The following ACBD6 variants were observed in gnomAD, a reference collection of about 807,000 sequenced individuals.
ACBD6 encodes acyl-CoA-binding domain-containing protein 6.
In ACBD6, 28 loss-of-function variants were observed where a neutral mutation model predicts 37.2. That is an observed-to-expected ratio of 0.75 (90% CI 0.56 to 1.03). ACBD6 has a LOEUF of 1.03. Among genes scored for constraint, ACBD6 ranks in the 50% least tolerant of loss-of-function variants. The probability of loss-of-function intolerance (pLI) is 0.00; values close to 1 mark genes in which losing one functional copy is unlikely to be tolerated. For synonymous variants in ACBD6, 113 were observed against 126.8 expected (o/e 0.89, Z 0.73); for missense variants, 340 against 337.4 (o/e 1.01, Z -0.06).
At chr1:180,449,896 G>A (rs555319604) in intron 3 of ACBD6, among the ~76,000 whole-genome samples, 14 of 140,824 alleles carry the variant, frequency 9.9e-5, no homozygotes, top group African/African-American at 3.5e-4. Flanking sequence ...ATGTACCCTA[G>A]AACTTAAATT....
intron 6 of ACBD6, among the ~76,000 whole-genome samples, chr1:180,355,093 T>C (rs569930234): frequency 6.6e-6 from 1 of 152,226 alleles, no homozygotes; most frequent in Non-Finnish European, 1.5e-5. Context: ...TAGTGGCTAA[T>C]GCTGTTTACC....
At chr1:180,313,059 G>A (rs1650655935) in intron 7 of ACBD6, among the ~76,000 whole-genome samples, 2 of 152,166 alleles carry the variant, frequency 1.3e-5, no homozygotes, top group East Asian at 3.8e-4. Flanking sequence ...TGCTGATGTG[G>A]AAGGTTACAT....
rs113461627 is a variant in ACBD6 at position 180,484,526 on chromosome 1, G to A, written c.384+7743C>T. The stretch of plus-strand genomic sequence containing the variant: ...GGAGAAAGGAGTTACAAATATGAAA[G>A]AGGGAAGGCTATCATGTACCCTGTA... On this transcript the variant is annotated intron_variant, in intron 3 of 7. Coordinates refer to ENST00000367595, the MANE Select transcript of ACBD6 (RefSeq NM_032360.4). Among the ~76,000 whole-genome samples, 757 of 152,266 alleles carry A rather than the reference G, an allele frequency of 5.0e-3. 6 individuals are homozygous for A. The highest frequency in any genetic ancestry group is 0.017 in the African/African-American group (704 of 41,540).
intron 10 of ACBD6, chr1:180,274,203 A>G: frequency 6.2e-7 from 1 of 1,614,222 alleles, no homozygotes; most frequent in East Asian, 2.2e-5. Flanking sequence ...ATTCTCTCAG[A>G]ACTTGGCCAC....
At chr1:180,475,415 C>T (rs989522845) in intron 3 of ACBD6, among the ~76,000 whole-genome samples, 10 of 152,106 alleles carry the variant, frequency 6.6e-5, no homozygotes, top group African/African-American at 2.2e-4. Flanking sequence ...GACATGGGGT[C>T]CCACTCTGTG....
intron 3 of ACBD6, among the ~76,000 whole-genome samples, chr1:180,471,720 TC>T (rs1164042029): frequency 1.3e-5 from 2 of 152,084 alleles, no homozygotes; most frequent in East Asian, 3.9e-4. Flanking sequence ...CCTGGGTCCC[TC>T]CCACAACACA....
chr1:180,489,363 G>A (rs539493134), intron 3 of ACBD6, among the ~76,000 whole-genome samples: 1 of 151,030 alleles, frequency 6.6e-6, no homozygotes, highest in South Asian at 2.1e-4. Flanking sequence ...ATGAGTCAAA[G>A]GGGACCAGCT....
In ACBD6 at chr1:180,274,523, G is replaced by A. The variant is rs531170670; in HGVS notation, c.*936+128C>T. The stretch of plus-strand genomic sequence containing the variant: ...CACAGGAAGCAGTGTAGGCTATCCC[G>A]ACTTTCCAACTAGCCCAGGCTCTTG... On this transcript the variant is annotated intron_variant, in intron 10 of 13. Transcript: ENST00000642319. 40 of 1,606,754 alleles carry A rather than the reference G, an allele frequency of 2.5e-5. No individual in the cohort carries two copies. Among genetic ancestry groups the A allele is most frequent in the East Asian group, 2.2e-4 (10 of 44,736 alleles).
At chr1:180,339,482 G>A (rs1651888200) in intron 6 of ACBD6, among the ~76,000 whole-genome samples, 1 of 152,150 alleles carries the variant, frequency 6.6e-6, no homozygotes, top group Non-Finnish European at 1.5e-5. Flanking sequence ...ATTGAACAAT[G>A]AGAATATTTG....
At chr1:180,281,241 A>C (rs1201029058) in intron 9 of ACBD6, 3 of 152,180 alleles carry the variant, frequency 2.0e-5, no homozygotes, top group Non-Finnish European at 2.9e-5. Context: ...GGTTTTCCAA[A>C]AAGACAGCTG....
chr1:180,438,986 C>G (rs539002647), intron 3 of ACBD6, among the ~76,000 whole-genome samples: 1 of 152,112 alleles, frequency 6.6e-6, no homozygotes, highest in Non-Finnish European at 1.5e-5. Flanking sequence ...CTTTGTTTTA[C>G]TCTTTCCAGA....
At chr1:180,272,290 C>T (rs1648723065) in intron 13 of ACBD6, among the ~76,000 whole-genome samples, 1 of 152,178 alleles carries the variant, frequency 6.6e-6, no homozygotes. Flanking sequence ...GGGCCTCCCT[C>T]ATCAGCCCAC....
At chr1:180,436,100 T>C (rs1445366573) in intron 3 of ACBD6, among the ~76,000 whole-genome samples, 1 of 152,186 alleles carries the variant, frequency 6.6e-6, no homozygotes, top group Non-Finnish European at 1.5e-5. Flanking sequence ...ATGTTACCCT[T>C]TCAGAGGTAC....
intron 3 of ACBD6, among the ~76,000 whole-genome samples, chr1:180,450,321 A>C (rs1649652749): frequency 6.6e-6 from 1 of 152,228 alleles, no homozygotes; most frequent in South Asian, 2.1e-4. Flanking sequence ...ATACTCTAAA[A>C]GAGGTGTTGA....
At chr1:180,369,242 T>C (rs891615432) in intron 6 of ACBD6, among the ~76,000 whole-genome samples, 2 of 152,152 alleles carry the variant, frequency 1.3e-5, no homozygotes, top group African/African-American at 4.8e-5. Context: ...CTCACAGACG[T>C]GAGTATAGAC....
Position 180,397,364 on chromosome 1 carries a change from C to T in ACBD6, c.663+152G>A, listed in dbSNP as rs138934791. 1.6e-3 allele frequency: 1,200 copies of T among 733,940 alleles called. 7 individuals are homozygous for T. The African/African-American group carries it at 0.019, about 12-fold the overall frequency. The allele number at this position is 733,940 out of a possible 1,614,324, so 45.5% of individuals were successfully genotyped here. A position where few individuals can be genotyped will look rare whatever the true frequency, so the allele number is the denominator to read the frequency against. On this transcript the variant is annotated intron_variant, in intron 6 of 7. Transcript: ENST00000367595. ...TTCTTTTGCGGTGACAACAGTATTA[C>T]GGAACTATATAGTAGCAATGATTAC...
At chr1:180,420,730 C>T (rs574951341) in intron 4 of ACBD6, among the ~76,000 whole-genome samples, 31 of 152,230 alleles carry the variant, frequency 2.0e-4, no homozygotes, top group African/African-American at 6.7e-4. Flanking sequence ...TCTCATTGTC[C>T]GGGGCTTCTT....
intron 6 of ACBD6, chr1:180,326,515 C>A (rs543120502): frequency 6.6e-6 from 1 of 152,568 alleles, no homozygotes; most frequent in Non-Finnish European, 1.5e-5. Context: ...GAATCAGGCA[C>A]CCCAACAGCC....
At chr1:180,406,886 T>C (rs1647649712) in intron 5 of ACBD6, among the ~76,000 whole-genome samples, 1 of 152,202 alleles carries the variant, frequency 6.6e-6, no homozygotes, top group African/African-American at 2.4e-5. Context: ...CTATAATTGT[T>C]ACCCAACTCA....
Sources: allele counts gnomAD v4.1 joint callset (sites outside exome capture counted in the v4.1 genomes callset), GRCh38; gene constraint gnomAD v4.1.1; transcripts MANE v1.5; gene names NCBI Gene and HGNC (gene_info 2026-07-23, HGNC 2026-07-21).